CHIC2: variants seen among roughly 807,000 people sequenced by gnomAD.
CHIC2 encodes cysteine-rich hydrophobic domain-containing protein 2.
In CHIC2, 14 loss-of-function variants were observed where a neutral mutation model predicts 25.9. That is an observed-to-expected ratio of 0.54 (90% confidence interval 0.36 to 0.85). The LOEUF is 0.85. Among genes scored for constraint, CHIC2 ranks in the 40% least tolerant of loss-of-function variants. CHIC2 has a pLI of 0.01. For missense variants in CHIC2, 146 were observed against 202.0 expected (o/e 0.72, Z 1.68); for synonymous variants, 70 against 72.0 (o/e 0.97, Z 0.14).
chr4:54,022,702 C>G (rs187145458), intron 3 of CHIC2, among the ~76,000 whole-genome samples: 7 of 152,030 alleles, frequency 4.6e-5, no homozygotes, highest in African/African-American at 1.2e-4. Context: ...CGCACAGGTA[C>G]GGGACACCTC....
the CHIC2 span, among the ~76,000 whole-genome samples, chr4:54,089,248 CT>C: frequency 3.3e-4 from 50 of 152,204 alleles, no homozygotes; most frequent in African/African-American, 1.0e-3. Context: ...TTCAAGCCTT[CT>C]TTTTGATTTT....
Position 54,053,883 on chromosome 4 carries a change from C to T in CHIC2, c.120-4578G>A, listed in dbSNP as rs141543374. Among the ~76,000 whole-genome samples, 199 of 152,168 alleles carry T rather than the reference C, an allele frequency of 1.3e-3. 1 individual carries two copies. The highest frequency in any genetic ancestry group is 2.1e-3 in the Non-Finnish European group (141 of 68,010). On this transcript the variant is annotated intron_variant, in intron 1 of 5. Coordinates refer to ENST00000263921, the MANE Select transcript of CHIC2 (RefSeq NM_012110.4). ...TCATCTCACTGTAACCTCTGCCTCC[C>T]GGGTTCAAGCGATTCTCGTGCCTCA...
chr4:54,044,349 T>C (rs934531899), intron 3 of CHIC2, among the ~76,000 whole-genome samples: 2 of 152,170 alleles, frequency 1.3e-5, no homozygotes, highest in African/African-American at 4.8e-5. Context: ...AGAATATACA[T>C]TCCTTTCGGC....
At chr4:54,035,252 T>C (rs1350091390) in intron 3 of CHIC2, among the ~76,000 whole-genome samples, 1 of 152,202 alleles carries the variant, frequency 6.6e-6, no homozygotes, top group Non-Finnish European at 1.5e-5. Flanking sequence ...GATGGCCTCA[T>C]AAAGTGAGCT....
chr4:54,025,854 C>CAAAAA (rs66736321), intron 3 of CHIC2, among the ~76,000 whole-genome samples: 1 of 109,788 alleles, frequency 9.1e-6, no homozygotes, highest in Non-Finnish European at 1.8e-5. Context: ...GACCCTGTCT[C>CAAAAA]AAAAAAAAAA....
intron 3 of CHIC2, among the ~76,000 whole-genome samples, chr4:54,022,660 T>A (rs1715938900): frequency 6.6e-6 from 1 of 151,998 alleles, no homozygotes; most frequent in Non-Finnish European, 1.5e-5. Context: ...AAAGCCTCCT[T>A]CACATCTTCC....
chr4:54,050,037 T>C (rs1198106829), intron 1 of CHIC2, among the ~76,000 whole-genome samples: 4 of 152,126 alleles, frequency 2.6e-5, no homozygotes, highest in Non-Finnish European at 5.9e-5. Flanking sequence ...AAAGACATAA[T>C]AAAAACAACC....
chr4:54,038,882 CTACAG>C (rs1318767477), intron 3 of CHIC2, among the ~76,000 whole-genome samples: 2 of 151,844 alleles, frequency 1.3e-5, no homozygotes, highest in African/African-American at 4.8e-5. Flanking sequence ...GAAAAAAAAG[CTACAG>C]TAAACTAGAC....
At chr4:54,084,346 A>G in the CHIC2 span, among the ~76,000 whole-genome samples, 2 of 152,172 alleles carry the variant, frequency 1.3e-5, no homozygotes, top group African/African-American at 2.4e-5. Flanking sequence ...CATTATTCTG[A>G]TAAGTTTTAT....
chr4:54,042,976 T>C (rs1025089190), intron 3 of CHIC2, among the ~76,000 whole-genome samples: 5 of 152,150 alleles, frequency 3.3e-5, no homozygotes, highest in Non-Finnish European at 5.9e-5. Context: ...GTTGTCAAAA[T>C]GTAGCCACAT....
chr4:54,013,400 G>A (rs1715645854), intron 5 of CHIC2, among the ~76,000 whole-genome samples: 1 of 151,992 alleles, frequency 6.6e-6, no homozygotes, highest in Admixed American at 6.6e-5. Flanking sequence ...CTGAGGTACG[G>A]GCAGTTAAAA....
rs1285784614 is a variant in CHIC2, at chr4:54,049,325, G to T, written c.120-20C>A. 3 of 1,505,994 alleles carry T rather than the reference G, an allele frequency of 2.0e-6. No homozygotes were observed. The highest frequency in any genetic ancestry group is 2.3e-5 in the East Asian group (1 of 43,888). 93.3% of individuals were successfully genotyped at this position (1,505,994 alleles called of 1,614,324 possible). A position where few individuals can be genotyped will look rare whatever the true frequency, so the allele number is the denominator to read the frequency against. ...CCAAATCTATTTTAAAAAATAAGAAGAATATGTTATTACATGTTATTGTTG... is the reference window on the plus strand; with the variant it reads ...CCAAATCTATTTTAAAAAATAAGAATAATATGTTATTACATGTTATTGTTG... On this transcript the variant is annotated intron_variant, in intron 1 of 5. Coordinates refer to ENST00000263921, the MANE Select transcript of CHIC2 (RefSeq NM_012110.4).
the CHIC2 span, chr4:54,086,877 G>A: frequency 5.2e-6 from 3 of 579,598 alleles, no homozygotes; most frequent in Non-Finnish European, 9.5e-6. Context: ...GAAATCCCTA[G>A]GAGTTCTTGG....
At chr4:54,087,248 G>C in the CHIC2 span, 1 of 606,620 alleles carries the variant, frequency 1.6e-6, no homozygotes, top group Non-Finnish European at 2.9e-6. Flanking sequence ...CCTCACTGTT[G>C]AAAGCGAGGA....
the CHIC2 span, among the ~76,000 whole-genome samples, chr4:54,082,003 A>G: frequency 6.6e-6 from 1 of 152,352 alleles, no homozygotes; most frequent in East Asian, 1.9e-4. Context: ...TATGTGTGCC[A>G]TGGACCACAA....
At chr4:54,080,956 A>G in the CHIC2 span, among the ~76,000 whole-genome samples, 160 of 81,824 alleles carry the variant, frequency 2.0e-3, no homozygotes, top group Admixed American at 6.1e-3. Flanking sequence ...ATATATATAT[A>G]TATATATATA....
the CHIC2 span, among the ~76,000 whole-genome samples, chr4:54,071,164 T>C: frequency 1.3e-5 from 2 of 152,138 alleles, no homozygotes; most frequent in South Asian, 2.1e-4. Context: ...GCAGAACCAA[T>C]TATGCTTGGA....
At chr4:54,026,854 G>A (rs1215949628) in intron 3 of CHIC2, among the ~76,000 whole-genome samples, 1 of 151,764 alleles carries the variant, frequency 6.6e-6, no homozygotes, top group Admixed American at 6.6e-5. Context: ...AATCTTAATG[G>A]TTTCATTTCA....
intron 3 of CHIC2, among the ~76,000 whole-genome samples, chr4:54,021,152 C>G (rs1228725453): frequency 6.6e-6 from 1 of 152,168 alleles, no homozygotes; most frequent in Non-Finnish European, 1.5e-5. Flanking sequence ...ACCTAAATGC[C>G]TTATTTTCTT....
Sources: gnomAD v4.1 joint callset for allele counts (sites outside exome capture counted in the v4.1 genomes callset) on GRCh38, gnomAD v4.1.1 for gene constraint, MANE v1.5 for transcripts, NCBI Gene and HGNC (gene_info 2026-07-23, HGNC 2026-07-21) for gene names.